HPSE2: variants seen among roughly 807,000 people sequenced by gnomAD.
The protein encoded by HPSE2 is inactive heparanase-2.
A neutral mutation model predicts 60.5 loss-of-function variants in HPSE2; 38 were observed. The ratio of observed to expected loss-of-function variants is 0.63; its 90% CI spans 0.48 to 0.82. The LOEUF (loss-of-function observed/expected upper bound fraction) is 0.82. Ranked by LOEUF, HPSE2 falls within the 40% of genes least tolerant of loss-of-function variation. HPSE2 has a pLI of 0.00. For synonymous variants in HPSE2, 295 were observed against 293.2 expected, an observed-to-expected ratio of 1.01 and a Z score of -0.06; for missense variants, 713 against 740.4, an observed-to-expected ratio of 0.96 and a Z score of 0.43.
chr10:98,646,335 T>TAAA (rs1236803732), intron 6 of HPSE2, among the ~76,000 whole-genome samples: 1,226 of 89,306 alleles, frequency 0.014, 7 homozygotes, highest in South Asian at 0.051. Context: ...TTTTTTTTTT[T>TAAA]AAAAAAACCC....
intron 3 of HPSE2, among the ~76,000 whole-genome samples, chr10:99,028,958 C>G (rs1291903560): frequency 6.6e-6 from 1 of 152,054 alleles, no homozygotes; most frequent in Non-Finnish European, 1.5e-5. Context: ...CTAGGTCCTT[C>G]TCACCATATA....
At chr10:98,851,333 A>G (rs1341524227) in intron 3 of HPSE2, among the ~76,000 whole-genome samples, 3 of 152,216 alleles carry the variant, frequency 2.0e-5, no homozygotes, top group Admixed American at 6.5e-5. Flanking sequence ...TCTCTCTGGA[A>G]TACCTCAACA....
intron 3 of HPSE2, among the ~76,000 whole-genome samples, chr10:98,828,488 C>T (rs1951604681): frequency 6.6e-6 from 1 of 152,022 alleles, no homozygotes; most frequent in Admixed American, 6.6e-5. Flanking sequence ...AATAAAATCT[C>T]ATGTATCCCT....
At chr10:98,549,603 C>T (rs1276499161) in intron 9 of HPSE2, among the ~76,000 whole-genome samples, 1 of 152,186 alleles carries the variant, frequency 6.6e-6, no homozygotes, top group East Asian at 1.9e-4. Context: ...CTTTCAAAAT[C>T]ACCTACCCAC....
Position 98,680,255 on chromosome 10 carries a change from G to A in HPSE2, c.1004+13645C>T, listed in dbSNP as rs1947749434. Among the ~76,000 whole-genome samples, 3 of 152,130 alleles carry A rather than the reference G, an allele frequency of 2.0e-5. No homozygotes were observed. The South Asian group carries it at 6.2e-4, about 31-fold the overall frequency. On this transcript the variant is annotated intron_variant, in intron 6 of 11. Transcript: ENST00000370552. ...TGAAGACAAAGTTACTATCTTGTTA[G>A]TAAAAGTGTACTTTTCCTTACAAAT...
Position 98,726,567 on chromosome 10 carries a change from A to G in HPSE2, c.785-4739T>C, listed in dbSNP as rs1457471919. ...GAGTTAATGGGTGCAGCACACCAACATGGCATATGTATACATATGTAAAAA... is the reference window on the plus strand; with the variant it reads ...GAGTTAATGGGTGCAGCACACCAACGTGGCATATGTATACATATGTAAAAA... On this transcript the variant is annotated intron_variant, in intron 4 of 11. Coordinates refer to ENST00000370552, the MANE Select transcript of HPSE2 (RefSeq NM_021828.5). 2.6e-5 allele frequency among the ~76,000 whole-genome samples: 4 copies of G among 151,362 alleles called. No homozygotes were observed. The East Asian group carries it at 7.8e-4, about 29-fold the overall frequency.
chr10:98,648,359 A>G (rs1589568001), intron 6 of HPSE2, among the ~76,000 whole-genome samples: 1 of 152,138 alleles, frequency 6.6e-6, no homozygotes, highest in South Asian at 2.1e-4. Context: ...CTAGGGAGGG[A>G]CCTCTAAAAA....
intron 3 of HPSE2, among the ~76,000 whole-genome samples, chr10:98,852,952 A>G (rs1952217825): frequency 6.6e-6 from 1 of 152,198 alleles, no homozygotes; most frequent in African/African-American, 2.4e-5. Flanking sequence ...CCTACACTGG[A>G]TCATTTATTT....
chr10:99,312,804 A>C, the HPSE2 span, among the ~76,000 whole-genome samples: 1 of 152,240 alleles, frequency 6.6e-6, no homozygotes, highest in Non-Finnish European at 1.5e-5. Context: ...AGTCAATTGG[A>C]AACCTTCTGC....
chr10:98,832,953 T>C (rs1012475311), intron 3 of HPSE2, among the ~76,000 whole-genome samples: 2 of 152,198 alleles, frequency 1.3e-5, no homozygotes, highest in African/African-American at 4.8e-5. Context: ...CTGTTTTATA[T>C]GGCTAAGCGA....
the HPSE2 span, among the ~76,000 whole-genome samples, chr10:99,261,951 T>C: frequency 6.6e-6 from 1 of 152,188 alleles, no homozygotes; most frequent in Non-Finnish European, 1.5e-5. Flanking sequence ...AGGACCCCAC[T>C]GGAAATCGGA....
intron 9 of HPSE2, among the ~76,000 whole-genome samples, chr10:98,561,862 A>G (rs1312349981): frequency 6.6e-6 from 1 of 151,754 alleles, no homozygotes; most frequent in East Asian, 1.9e-4. Context: ...ACAAACAAAC[A>G]AACAAACAAA....
chr10:99,013,303 C>T (rs1957059811), intron 3 of HPSE2: 3 of 619,844 alleles, frequency 4.8e-6, no homozygotes, highest in South Asian at 1.5e-5. Flanking sequence ...CTTAGGTCCT[C>T]ATGTGCTAAC....
intron 3 of HPSE2, among the ~76,000 whole-genome samples, chr10:98,925,413 T>C (rs1027287327): frequency 1.3e-5 from 2 of 151,856 alleles, no homozygotes; most frequent in Non-Finnish European, 2.9e-5. Flanking sequence ...AGGGCACTGC[T>C]TTGTTTCTGC....
chr10:98,975,426 T>C (rs890776563), intron 3 of HPSE2, among the ~76,000 whole-genome samples: 1 of 152,136 alleles, frequency 6.6e-6, no homozygotes, highest in Non-Finnish European at 1.5e-5. Flanking sequence ...ATATTCATCT[T>C]AAAGTATCCA....
intron 4 of HPSE2, among the ~76,000 whole-genome samples, chr10:98,724,895 C>G (rs1327770873): frequency 6.6e-6 from 1 of 152,020 alleles, no homozygotes; most frequent in East Asian, 1.9e-4. Flanking sequence ...ACAATTGCTT[C>G]AAAGAGAATA....
intron 3 of HPSE2, among the ~76,000 whole-genome samples, chr10:99,132,218 AG>A (rs1243469165): frequency 3.5e-4 from 13 of 37,032 alleles, no homozygotes; most frequent in South Asian, 1.7e-3. Context: ...AGAGAGAGAG[AG>A]AGAGAGAGAG....
At chr10:99,132,211 G>GGA in intron 3 of HPSE2, among the ~76,000 whole-genome samples, 1 of 18,480 alleles carries the variant, frequency 5.4e-5, no homozygotes, top group Admixed American at 7.9e-4. Context: ...GAGAGAGAGA[G>GGA]AGAGAGAGAG....
intron 9 of HPSE2, among the ~76,000 whole-genome samples, chr10:98,498,286 T>C (rs1941918517): frequency 6.6e-6 from 1 of 152,136 alleles, no homozygotes; most frequent in Non-Finnish European, 1.5e-5. Flanking sequence ...CTGGTATCCA[T>C]GGCTGAGGGA....
Sources: gnomAD v4.1 joint callset for allele counts (sites outside exome capture counted in the v4.1 genomes callset) on GRCh38, gnomAD v4.1.1 for gene constraint, MANE v1.5 for transcripts, NCBI Gene and HGNC (gene_info 2026-07-23, HGNC 2026-07-21) for gene names.